SLC25A26: variants seen among roughly 807,000 people sequenced by gnomAD.
SLC25A26 encodes solute carrier family 25 member 26.
SLC25A26 carries 36 observed loss-of-function variants against 37.8 expected under a neutral mutation model. The observed-to-expected ratio is 0.95, with a 90% confidence interval of 0.73 to 1.26. SLC25A26 has a LOEUF of 1.26. SLC25A26 is among the 50% of genes most tolerant of loss of function. The probability of loss-of-function intolerance (pLI) is 0.00; values close to 1 mark genes in which losing one functional copy is unlikely to be tolerated. For missense variants in SLC25A26, 390 were observed against 331.1 expected, an observed-to-expected ratio of 1.18 and a Z score of -1.38; for synonymous variants, 129 against 122.5, an observed-to-expected ratio of 1.05 and a Z score of -0.35.
At chr3:66,338,334 A>G (rs1385004024) in intron 5 of SLC25A26, among the ~76,000 whole-genome samples, 1 of 152,012 alleles carries the variant, frequency 6.6e-6, no homozygotes, top group South Asian at 2.1e-4. Flanking sequence ...TTGCTCTTGG[A>G]TAAATACCTA....
chr3:66,166,066 C>T (rs1208033438), intron 1 of SLC25A26, among the ~76,000 whole-genome samples: 1 of 152,096 alleles, frequency 6.6e-6, no homozygotes, highest in African/African-American at 2.4e-5. Flanking sequence ...CTTTGATATT[C>T]TGTAAATTCT....
At chr3:66,299,287 G>C (rs961957394) in intron 5 of SLC25A26, among the ~76,000 whole-genome samples, 2 of 152,138 alleles carry the variant, frequency 1.3e-5, no homozygotes, top group South Asian at 4.1e-4. Flanking sequence ...CGCCTCCTGG[G>C]TTCCAAGCGA....
chr3:66,250,025 G>T (rs1176790471), intron 3 of SLC25A26, among the ~76,000 whole-genome samples: 1 of 152,170 alleles, frequency 6.6e-6, no homozygotes, highest in Non-Finnish European at 1.5e-5. Context: ...TTCCTTCAGG[G>T]CATTAAATAC....
At chr3:66,176,712 G>T (rs1460613252) in intron 1 of SLC25A26, among the ~76,000 whole-genome samples, 2 of 152,100 alleles carry the variant, frequency 1.3e-5, no homozygotes, top group East Asian at 3.9e-4. Flanking sequence ...AACATAAAAG[G>T]TATTATTTGT....
At chr3:66,236,997 C>T (rs960941399) in intron 2 of SLC25A26, among the ~76,000 whole-genome samples, 2 of 152,050 alleles carry the variant, frequency 1.3e-5, no homozygotes, top group South Asian at 2.1e-4. Context: ...CCACCATGCC[C>T]AGCTAATTTT....
intron 1 of SLC25A26, among the ~76,000 whole-genome samples, chr3:66,139,391 C>G (rs371754681): frequency 3.9e-5 from 6 of 152,236 alleles, no homozygotes; most frequent in African/African-American, 1.4e-4. Context: ...AACAATGCCT[C>G]CAATAAAAAG....
At chr3:66,314,156 T>C (rs1005956014) in intron 5 of SLC25A26, among the ~76,000 whole-genome samples, 6 of 152,222 alleles carry the variant, frequency 3.9e-5, no homozygotes, top group East Asian at 1.9e-4. Flanking sequence ...CAATACTATG[T>C]TGAATAGGAG....
intron 3 of SLC25A26, among the ~76,000 whole-genome samples, chr3:66,249,190 G>A (rs2072978499): frequency 6.6e-6 from 1 of 152,216 alleles, no homozygotes; most frequent in Non-Finnish European, 1.5e-5. Context: ...CAGACATGTA[G>A]ATTTGGATTT....
At chr3:66,242,216 A>G (rs1055307092) in intron 2 of SLC25A26, among the ~76,000 whole-genome samples, 1 of 152,232 alleles carries the variant, frequency 6.6e-6, no homozygotes, top group African/African-American at 2.4e-5. Context: ...GGTAGGATGT[A>G]GAGTGGCAGA....
intron 5 of SLC25A26, among the ~76,000 whole-genome samples, chr3:66,273,301 G>A (rs1576765639): frequency 6.6e-6 from 1 of 152,074 alleles, no homozygotes; most frequent in East Asian, 1.9e-4. Context: ...GATGATGCTG[G>A]CCTCATAAAA....
At chr3:66,227,948 ACCT>A (rs1553661399) in intron 1 of SLC25A26, among the ~76,000 whole-genome samples, 3 of 152,016 alleles carry the variant, frequency 2.0e-5, no homozygotes, top group Non-Finnish European at 4.4e-5. Context: ...CTGGATAGTG[ACCT>A]CCTAGTTTTC....
intron 6 of SLC25A26, among the ~76,000 whole-genome samples, chr3:66,359,745 T>C (rs2076655839): frequency 6.6e-6 from 1 of 152,248 alleles, no homozygotes; most frequent in African/African-American, 2.4e-5. Flanking sequence ...GAAAAAATAA[T>C]GGTTTCTATT....
intron 1 of SLC25A26, among the ~76,000 whole-genome samples, chr3:66,214,403 C>G (rs906728065): frequency 1.3e-5 from 2 of 152,108 alleles, no homozygotes; most frequent in African/African-American, 4.8e-5. Flanking sequence ...CTAAAGTATT[C>G]CTTTATAACG....
At chr3:66,306,738 T>A (rs111782714) in intron 5 of SLC25A26, among the ~76,000 whole-genome samples, 3 of 152,216 alleles carry the variant, frequency 2.0e-5, no homozygotes, top group African/African-American at 7.2e-5. Context: ...CTCCCACTTA[T>A]GAGCAAGAAC....
At chr3:66,210,294 A>C (rs1430717902) in intron 1 of SLC25A26, among the ~76,000 whole-genome samples, 1 of 152,002 alleles carries the variant, frequency 6.6e-6, no homozygotes, top group Non-Finnish European at 1.5e-5. Context: ...GATTGCAATA[A>C]GTTCTGGGGA....
intron 1 of SLC25A26, among the ~76,000 whole-genome samples, chr3:66,232,607 TA>T (rs976520793): frequency 4.9e-4 from 75 of 152,234 alleles, no homozygotes; most frequent in African/African-American, 1.7e-3. Flanking sequence ...AACTGGAGAT[TA>T]GGGGGCATCT....
intron 3 of SLC25A26, among the ~76,000 whole-genome samples, chr3:66,248,050 TAGAC>T (rs1207214790): frequency 5.3e-5 from 8 of 152,250 alleles, no homozygotes; most frequent in Admixed American, 3.3e-4. Flanking sequence ...ATTATTATGT[TAGAC>T]AGATTGGTTA....
At chr3:66,213,303 G>A (rs1476252639) in intron 1 of SLC25A26, among the ~76,000 whole-genome samples, 1 of 149,434 alleles carries the variant, frequency 6.7e-6, no homozygotes, top group African/African-American at 2.5e-5. Context: ...GGGAGGCTGA[G>A]GCAGGAGAAT....
chr3:66,271,710 C>T (rs1024064688), intron 5 of SLC25A26, among the ~76,000 whole-genome samples: 12 of 152,066 alleles, frequency 7.9e-5, no homozygotes, highest in African/African-American at 2.9e-4. Flanking sequence ...CCCTTCAAAC[C>T]CTTCCAGCTA....
Sources: allele counts gnomAD v4.1 joint callset (sites outside exome capture counted in the v4.1 genomes callset), GRCh38; gene constraint gnomAD v4.1.1; transcripts MANE v1.5; gene names NCBI Gene and HGNC (gene_info 2026-07-23, HGNC 2026-07-21).